Variants in TBCEL observed in about 807,000 individuals in gnomAD.
TBCEL encodes tubulin folding cofactor E like.
A neutral mutation model predicts 44.2 loss-of-function variants in TBCEL; 15 were observed. The observed-to-expected ratio is 0.34, with a 90% CI of 0.23 to 0.52. The LOEUF (loss-of-function observed/expected upper bound fraction) is 0.52, where lower values mean the gene tolerates loss of function less well. TBCEL is among the 20% of genes least tolerant of loss of function. The probability of loss-of-function intolerance (pLI) is 0.95; values close to 1 mark genes in which losing one functional copy is unlikely to be tolerated. For missense variants in TBCEL, 319 were observed against 506.3 expected, an observed-to-expected ratio of 0.63 and a Z score of 3.55; for synonymous variants, 171 against 185.4, an observed-to-expected ratio of 0.92 and a Z score of 0.63.
At chr11:121,060,148 G>GT in intron 8 of TBCEL, 63 bp downstream of exon 8, 2 of 1,142,964 alleles carry the variant, frequency 1.7e-6, no homozygotes, top group Admixed American at 3.7e-5. Flanking sequence ...GAACTCTAGT[G>GT]TTAGAGCAAA....
At chr11:121,033,703 G>A (rs916897067) in intron 1 of TBCEL, among the ~76,000 whole-genome samples, 2 of 152,080 alleles carry the variant, frequency 1.3e-5, no homozygotes, top group African/African-American at 4.8e-5. Context: ...GTAGTTTAGT[G>A]GCATTAAGTA....
intron 8 of TBCEL, among the ~76,000 whole-genome samples, chr11:121,079,016 A>G (rs1471374402): frequency 6.6e-6 from 1 of 152,232 alleles, no homozygotes; most frequent in Non-Finnish European, 1.5e-5. Flanking sequence ...ATCCATTACT[A>G]GATGATTTTT....
In TBCEL at chr11:121,053,635, A is replaced by G; in HGVS notation, c.358A>G (p.Thr120Ala). 5 of 1,612,456 alleles carry G rather than the reference A, an allele frequency of 3.1e-6. No homozygotes were observed. The highest frequency in any genetic ancestry group is 4.2e-6 in the Non-Finnish European group (5 of 1,178,988). ...NPLNLSVLERTCAGSFSGVRK... is the reference protein window; with the variant it reads ...NPLNLSVLERACAGSFSGVRK... The stretch of plus-strand genomic sequence containing the variant: ...TCTGAATTTGTCGGTTTTAGAAAGA[A>G]CATGTGCTGGGTCCTTCTCTGGGGT... Residue 120 changes from threonine to alanine, a missense_variant, in exon 5 of 9, where the codon ACA becomes GCA. Coordinates refer to ENST00000683345, the MANE Select transcript of TBCEL (RefSeq NM_001363644.2).
intron 1 of TBCEL, among the ~76,000 whole-genome samples, chr11:121,032,392 T>C (rs533748727): frequency 6.6e-6 from 1 of 152,338 alleles, no homozygotes; most frequent in Admixed American, 6.5e-5. Context: ...ATGGAAATTG[T>C]TACTCCTAGG....
chr11:121,085,126 C>T (rs570876362), intron 8 of TBCEL, among the ~76,000 whole-genome samples: 7 of 152,110 alleles, frequency 4.6e-5, no homozygotes, highest in African/African-American at 1.7e-4. Context: ...GCAACTTCCA[C>T]CTCCCGGGTT....
intron 1 of TBCEL, among the ~76,000 whole-genome samples, chr11:121,031,011 T>A (rs1945133399): frequency 6.6e-6 from 1 of 152,200 alleles, no homozygotes; most frequent in Non-Finnish European, 1.5e-5. Flanking sequence ...TCCATTGCTG[T>A]GTAACATTTT....
Position 121,075,824 on chromosome 11 carries a change from A to G in TBCEL, c.957-10954A>G, listed in dbSNP as rs1946023396. ...GTGTACTTACATAAACTTAGATAGT[A>G]TAGTCTACTACACACCTAGCTTATA... On this transcript the variant is annotated intron_variant, in intron 8 of 8. Coordinates refer to ENST00000683345, the MANE Select transcript of TBCEL (RefSeq NM_001363644.2). Among the ~76,000 whole-genome samples, 4 of 152,120 alleles carry G rather than the reference A, an allele frequency of 2.6e-5. No individual in the cohort carries two copies. In the South Asian group the frequency reaches 8.3e-4, roughly 32 times the overall value.
chr11:121,030,991 A>C (rs1315389618), intron 1 of TBCEL, among the ~76,000 whole-genome samples: 3 of 152,088 alleles, frequency 2.0e-5, no homozygotes, highest in Non-Finnish European at 4.4e-5. Context: ...TGAACTACCA[A>C]TTGTTAATTT....
intron 3 of TBCEL, 83 bp downstream of exon 3, chr11:121,045,906 ATTTAT>A (rs1018788431): frequency 2.7e-5 from 37 of 1,346,844 alleles, no homozygotes; most frequent in Non-Finnish European, 3.6e-5. Context: ...TTTGCAAATG[ATTTAT>A]TTTATTTTTA....
intron 8 of TBCEL, among the ~76,000 whole-genome samples, chr11:121,078,361 C>A (rs1450786941): frequency 6.6e-6 from 1 of 152,086 alleles, no homozygotes; most frequent in African/African-American, 2.4e-5. Context: ...CTCGTCTCTC[C>A]CTGTCTAATG....
rs1191234818 is a variant in TBCEL at position 121,060,095 on chromosome 11, T to G, written c.956+10T>G. 4 of 1,594,992 alleles carry G rather than the reference T, an allele frequency of 2.5e-6. No homozygotes were observed. The Admixed American group carries it at 5.0e-5, about 20-fold the overall frequency. On this transcript the variant is annotated intron_variant, in intron 8 of 8. Coordinates refer to ENST00000683345, the MANE Select transcript of TBCEL (RefSeq NM_001363644.2). ...AAGAAGTGCCATTCAGGTAAAAAAT[T>G]CCCCATTGGCCAAACACTTTAGAGG...
At chr11:121,072,946 T>C (rs1446734982) in intron 8 of TBCEL, among the ~76,000 whole-genome samples, 1 of 152,114 alleles carries the variant, frequency 6.6e-6, no homozygotes, top group Non-Finnish European at 1.5e-5. Context: ...GCCACATCTG[T>C]CATATGTCTT....
At chr11:121,065,127 A>G (rs1945797467) in intron 8 of TBCEL, among the ~76,000 whole-genome samples, 2 of 152,260 alleles carry the variant, frequency 1.3e-5, no homozygotes, top group Admixed American at 1.3e-4. Context: ...CACCCGGCCC[A>G]TACTTATTTT....
intron 2 of TBCEL, among the ~76,000 whole-genome samples, chr11:121,037,478 A>G (rs1276998759): frequency 6.6e-6 from 1 of 152,234 alleles, no homozygotes; most frequent in Non-Finnish European, 1.5e-5. Context: ...GAATGAGACC[A>G]TCCAGCCTAA....
chr11:121,057,117 A>G (rs1945636023), intron 6 of TBCEL, among the ~76,000 whole-genome samples: 1 of 151,750 alleles, frequency 6.6e-6, no homozygotes, highest in Non-Finnish European at 1.5e-5. Context: ...TCACCTTGTC[A>G]CCCCTTGAGC....
At position 121,087,763 on chromosome 11, in the gene TBCEL, A is replaced by G. The variant is rs1946240017; in HGVS notation, c.*667A>G. On this transcript the variant is annotated 3_prime_UTR_variant, in exon 9 of 9. Transcript: ENST00000683345. ...CAGTAAGAAGCTATAACTCTGTTAG[A>G]ACCTCGAAGAGTAGATGTAGAATGA... 1.3e-5 allele frequency: 2 copies of G among 152,238 alleles called. No individual in the cohort carries two copies. Among genetic ancestry groups the G allele is most frequent in the African/African-American group, 4.8e-5 (2 of 41,448 alleles). The allele number at this position is 152,238 out of a possible 1,614,324, so 9.4% of individuals were successfully genotyped here.
chr11:121,037,585 A>G (rs776582861), intron 2 of TBCEL, among the ~76,000 whole-genome samples: 1 of 152,272 alleles, frequency 6.6e-6, no homozygotes, highest in Non-Finnish European at 1.5e-5. Context: ...GGAATACTTT[A>G]TAAACCTTAA....
intron 1 of TBCEL, among the ~76,000 whole-genome samples, chr11:121,030,136 G>C (rs1349147734): frequency 1.3e-5 from 2 of 152,174 alleles, no homozygotes; most frequent in East Asian, 3.9e-4. Flanking sequence ...ACACTGAGAT[G>C]AAGCAGCTCT....
At chr11:121,071,839 A>G (rs1227638739) in intron 8 of TBCEL, among the ~76,000 whole-genome samples, 1 of 152,132 alleles carries the variant, frequency 6.6e-6, no homozygotes, top group Non-Finnish European at 1.5e-5. Context: ...TGCTGGAGAA[A>G]TCTTAGTGTG....
Sources: allele counts gnomAD v4.1 joint callset (sites outside exome capture counted in the v4.1 genomes callset), GRCh38; gene constraint gnomAD v4.1.1; transcripts MANE v1.5; gene names NCBI Gene and HGNC (gene_info 2026-07-23, HGNC 2026-07-21).